The following RFWD3 variants were observed in gnomAD, a reference collection of about 807,000 sequenced individuals.
The protein encoded by RFWD3 is ring finger and WD repeat domain 3.
RFWD3 carries 65 observed loss-of-function variants against 87.7 expected under a neutral mutation model. The observed-to-expected ratio is 0.74, with a 90% CI of 0.61 to 0.91. RFWD3 has a LOEUF of 0.91. Among genes scored for constraint, RFWD3 ranks in the 40% least tolerant of loss-of-function variants. The probability of loss-of-function intolerance (pLI) is 0.00; values close to 1 mark genes in which losing one functional copy is unlikely to be tolerated. For missense variants in RFWD3, 1,078 were observed against 938.5 expected, an observed-to-expected ratio of 1.15 and a Z score of -1.94; for synonymous variants, 433 against 352.8, an observed-to-expected ratio of 1.23 and a Z score of -2.55.
chr16:74,631,661 G>A (rs1332560152), intron 9 of RFWD3, among the ~76,000 whole-genome samples: 2 of 152,148 alleles, frequency 1.3e-5, no homozygotes, highest in Non-Finnish European at 2.9e-5. Flanking sequence ...GTACTCAAGG[G>A]CAGTGAGTGC....
At chr16:74,653,481 C>T (rs1303357494) in intron 2 of RFWD3, among the ~76,000 whole-genome samples, 5 of 149,292 alleles carry the variant, frequency 3.3e-5, no homozygotes, top group Non-Finnish European at 5.9e-5. Flanking sequence ...AAGAGAGAGA[C>T]TCCATCTTCA....
At chr16:74,653,217 T>C (rs1960700161) in intron 2 of RFWD3, among the ~76,000 whole-genome samples, 1 of 152,088 alleles carries the variant, frequency 6.6e-6, no homozygotes, top group African/African-American at 2.4e-5. Flanking sequence ...TGTGCTCCTG[T>C]AGTTCCAGCT....
At chr16:74,665,741 T>C (rs2144396400) in intron 1 of RFWD3, among the ~76,000 whole-genome samples, 1 of 135,620 alleles carries the variant, frequency 7.4e-6, no homozygotes, top group East Asian at 2.5e-4. Context: ...GAGACTTTTC[T>C]TTCTTTCTTT....
chr16:74,626,680 AAC>A (rs1958945797), intron 11 of RFWD3, 126 bp from the exon 12 acceptor site: 1 of 666,240 alleles, frequency 1.5e-6, no homozygotes, highest in Non-Finnish European at 2.6e-6. Context: ...AACCATCAAG[AAC>A]AGTTACAAAA....
At chr16:74,641,657 C>A (rs1284456826) in intron 6 of RFWD3, among the ~76,000 whole-genome samples, 1 of 151,812 alleles carries the variant, frequency 6.6e-6, no homozygotes, top group Non-Finnish European at 1.5e-5. Flanking sequence ...GGGTGCAGTG[C>A]CTCACGCCTG....
chr16:74,660,267 C>G (rs1265493972), intron 2 of RFWD3, among the ~76,000 whole-genome samples: 1 of 152,162 alleles, frequency 6.6e-6, no homozygotes, highest in African/African-American at 2.4e-5. Flanking sequence ...GAGACTCCAT[C>G]TCAAAACAAA....
chr16:74,646,580 G>A (rs1420950210), intron 4 of RFWD3, among the ~76,000 whole-genome samples: 1 of 152,114 alleles, frequency 6.6e-6, no homozygotes, highest in Non-Finnish European at 1.5e-5. Context: ...GAAGTCAGGA[G>A]ATCGAGACCA....
At chr16:74,639,603 G>A (rs1175414738) in intron 6 of RFWD3, among the ~76,000 whole-genome samples, 1 of 152,172 alleles carries the variant, frequency 6.6e-6, no homozygotes, top group African/African-American at 2.4e-5. Context: ...TACTTCTCAA[G>A]TTACCCTATA....
chr16:74,644,166 G>A (rs1283750042), intron 6 of RFWD3, 196 bp downstream of exon 6: 8 of 630,030 alleles, frequency 1.3e-5, no homozygotes, highest in South Asian at 5.6e-5. Flanking sequence ...TAAGGCAAAC[G>A]ATGCAGACTT....
intron 1 of RFWD3, among the ~76,000 whole-genome samples, chr16:74,665,080 A>G (rs1435935618): frequency 1.3e-5 from 2 of 152,190 alleles, no homozygotes; most frequent in African/African-American, 4.8e-5. Flanking sequence ...TCAGGTTTCA[A>G]TCAATGGCCA....
intron 1 of RFWD3, among the ~76,000 whole-genome samples, chr16:74,662,844 A>C (rs1447035176): frequency 6.6e-6 from 1 of 151,978 alleles, no homozygotes. Context: ...CCTAGGCAAG[A>C]GTGGTAGCAG....
chr16:74,633,579 C>G (rs113477186), intron 8 of RFWD3, among the ~76,000 whole-genome samples: 2 of 152,060 alleles, frequency 1.3e-5, no homozygotes, highest in African/African-American at 4.8e-5. Flanking sequence ...TGACAAAAAG[C>G]AGTGACTGCT....
chr16:74,641,342 T>C (rs1959627518), intron 6 of RFWD3, among the ~76,000 whole-genome samples: 1 of 151,990 alleles, frequency 6.6e-6, no homozygotes, highest in African/African-American at 2.4e-5. Flanking sequence ...TTTGTATTTT[T>C]AGTAGAAATG....
intron 9 of RFWD3, among the ~76,000 whole-genome samples, chr16:74,631,563 C>T (rs1013249502): frequency 4.6e-5 from 7 of 152,066 alleles, no homozygotes; most frequent in African/African-American, 1.2e-4. Context: ...TATAAAGGCA[C>T]GGAGCACACT....
At chr16:74,630,212 C>T (rs1218976666) in intron 10 of RFWD3, among the ~76,000 whole-genome samples, 1 of 152,170 alleles carries the variant, frequency 6.6e-6, no homozygotes, top group Non-Finnish European at 1.5e-5. Flanking sequence ...TCTTCTGCCT[C>T]GGCCTTCTGA....
intron 12 of RFWD3, 125 bp from the exon 13 acceptor site, chr16:74,624,196 G>T: frequency 8.7e-7 from 1 of 1,145,208 alleles, no homozygotes; most frequent in Non-Finnish European, 1.2e-6. Flanking sequence ...AAAGCAGGCT[G>T]TCCCTAACCT....
chr16:74,658,215 T>C (rs1961149084), intron 2 of RFWD3, among the ~76,000 whole-genome samples: 1 of 152,170 alleles, frequency 6.6e-6, no homozygotes, highest in Non-Finnish European at 1.5e-5. Context: ...AGGAAAACAA[T>C]ATTGTGATCT....
At chr16:74,642,532 A>C (rs1311829187) in intron 6 of RFWD3, among the ~76,000 whole-genome samples, 8 of 147,848 alleles carry the variant, frequency 5.4e-5, no homozygotes. Context: ...ACAGGTTCTT[A>C]CTCTGTCACC....
At position 74,651,442 on chromosome 16, in the gene RFWD3, ACT is replaced by A. The variant is rs369898970; in HGVS notation, c.721+476_721+477del. Among the ~76,000 whole-genome samples, 51 of 151,640 alleles carry A rather than the reference ACT, an allele frequency of 3.4e-4. 1 individual carries two copies. The South Asian group carries it at 0.01, about 31-fold the overall frequency. Reference sequence around the variant, plus strand: ...TGACCAGCCGGGGCAACATGGAAAAACTCTGTCTCTACAAAAAATTTAAAAAA... The same window carrying A: ...TGACCAGCCGGGGCAACATGGAAAAACTGTCTCTACAAAAAATTTAAAAAA... On this transcript the variant is annotated intron_variant, in intron 3 of 12. Transcript: ENST00000361070.
Sources: allele counts gnomAD v4.1 joint callset (sites outside exome capture counted in the v4.1 genomes callset), GRCh38; gene constraint gnomAD v4.1.1; transcripts MANE v1.5; gene names NCBI Gene and HGNC (gene_info 2026-07-23, HGNC 2026-07-21).